CACNA2D3: variants seen among roughly 807,000 people sequenced by gnomAD.
CACNA2D3 encodes calcium voltage-gated channel auxiliary subunit alpha2delta 3, also known as voltage-dependent calcium channel subunit alpha-2/delta-3.
In CACNA2D3, 60 loss-of-function variants were observed where a neutral mutation model predicts 160.6. The ratio of observed to expected loss-of-function variants is 0.37; its 90% CI spans 0.30 to 0.46. The LOEUF (loss-of-function observed/expected upper bound fraction) is 0.46, where lower values mean the gene tolerates loss of function less well. Ranked by LOEUF, CACNA2D3 falls within the 20% of genes least tolerant of loss-of-function variation. CACNA2D3 has a pLI of 1.00. For missense variants in CACNA2D3, 1,205 were observed against 1,365.0 expected, an observed-to-expected ratio of 0.88 and a Z score of 1.85; for synonymous variants, 558 against 492.9, an observed-to-expected ratio of 1.13 and a Z score of -1.75.
At chr3:55,052,557 T>C (rs1483950549) in intron 35 of CACNA2D3, among the ~76,000 whole-genome samples, 2 of 152,126 alleles carry the variant, frequency 1.3e-5, no homozygotes, top group Non-Finnish European at 2.9e-5. Flanking sequence ...ATTCTACTTT[T>C]TCTGTTCATT....
chr3:54,492,761 C>A (rs1388711758), intron 4 of CACNA2D3, among the ~76,000 whole-genome samples: 1 of 152,200 alleles, frequency 6.6e-6, no homozygotes, highest in Non-Finnish European at 1.5e-5. Flanking sequence ...TTAAACTCAG[C>A]TCTCCCTGTA....
intron 5 of CACNA2D3, among the ~76,000 whole-genome samples, chr3:54,536,865 C>G (rs1030170354): frequency 6.6e-6 from 1 of 152,130 alleles, no homozygotes; most frequent in African/African-American, 2.4e-5. Flanking sequence ...TCTTGGGTGC[C>G]CAGCGCTGTG....
intron 12 of CACNA2D3, among the ~76,000 whole-genome samples, chr3:54,759,336 G>A (rs1361236139): frequency 6.6e-6 from 1 of 152,102 alleles, no homozygotes; most frequent in African/African-American, 2.4e-5. Context: ...AAAACAGAGA[G>A]AAAGGGGAGG....
At chr3:54,277,474 T>C (rs1159829950) in intron 2 of CACNA2D3, among the ~76,000 whole-genome samples, 1 of 152,180 alleles carries the variant, frequency 6.6e-6, no homozygotes, top group Non-Finnish European at 1.5e-5. Context: ...TCCGTTCTGT[T>C]CCATTGGTCT....
chr3:54,445,007 A>G (rs1307642148), intron 4 of CACNA2D3, among the ~76,000 whole-genome samples: 2 of 152,222 alleles, frequency 1.3e-5, no homozygotes. Context: ...TCCTGCCATG[A>G]GGGAGTCTCA....
At chr3:54,752,569 C>G (rs367787308) in intron 11 of CACNA2D3, 30 bp from the exon 12 acceptor site, 1 of 1,566,224 alleles carries the variant, frequency 6.4e-7, no homozygotes, top group African/African-American at 1.3e-5. Flanking sequence ...AAGTGAATGC[C>G]GCTCAGCCAT....
chr3:55,063,520 G>A (rs1704563796), intron 35 of CACNA2D3, among the ~76,000 whole-genome samples: 1 of 152,154 alleles, frequency 6.6e-6, no homozygotes, highest in African/African-American at 2.4e-5. Context: ...ATTCCAGTGA[G>A]CAACCAAGGT....
At chr3:54,815,325 A>G (rs960687100) in intron 13 of CACNA2D3, among the ~76,000 whole-genome samples, 6 of 152,176 alleles carry the variant, frequency 3.9e-5, no homozygotes, top group Admixed American at 3.3e-4. Context: ...TCTCAATACC[A>G]TTTTGGAGAC....
intron 14 of CACNA2D3, among the ~76,000 whole-genome samples, chr3:54,826,571 T>A (rs1005124062): frequency 6.6e-6 from 1 of 152,136 alleles, no homozygotes; most frequent in African/African-American, 2.4e-5. Flanking sequence ...ATGGGACCCA[T>A]CCATATTTGC....
chr3:54,649,952 G>A (rs1425721420), intron 11 of CACNA2D3, among the ~76,000 whole-genome samples: 1 of 152,166 alleles, frequency 6.6e-6, no homozygotes, highest in African/African-American at 2.4e-5. Context: ...CATCCTAACT[G>A]CTTCTACTGT....
chr3:54,387,878 A>T (rs554139032), intron 4 of CACNA2D3, among the ~76,000 whole-genome samples: 9 of 152,278 alleles, frequency 5.9e-5, no homozygotes, highest in South Asian at 4.2e-4. Context: ...ATTCCCATTT[A>T]TATGGGGAAT....
At chr3:54,650,917 G>A (rs748592337) in intron 11 of CACNA2D3, among the ~76,000 whole-genome samples, 3 of 152,208 alleles carry the variant, frequency 2.0e-5, no homozygotes, top group Admixed American at 6.5e-5. Context: ...TGCTCCGTGT[G>A]TATCTAATTC....
intron 2 of CACNA2D3, among the ~76,000 whole-genome samples, chr3:54,257,530 A>G (rs1389700382): frequency 6.6e-6 from 1 of 152,118 alleles, no homozygotes; most frequent in Non-Finnish European, 1.5e-5. Context: ...AATGTTGCAC[A>G]GCTGCTGTTC....
intron 17 of CACNA2D3, among the ~76,000 whole-genome samples, chr3:54,858,329 C>G (rs941713169): frequency 6.6e-6 from 1 of 151,992 alleles, no homozygotes. Context: ...TCTAATTGAT[C>G]AATTGCTTTT....
chr3:54,494,986 A>G lies in CACNA2D3; in HGVS notation c.382-8506A>G, dbSNP rs114326759. On this transcript the variant is annotated intron_variant, in intron 4 of 37. Coordinates refer to ENST00000474759, the MANE Select transcript of CACNA2D3 (RefSeq NM_018398.3). ...CCCTCCCTCGACACCTGGGAATTAT[A>G]ATTTGGATTACAATTCAAGATGAGA... Among the ~76,000 whole-genome samples, 548 of 152,300 alleles carry G rather than the reference A, an allele frequency of 3.6e-3. 7 individuals are homozygous for G. The highest frequency in any genetic ancestry group is 0.012 in the African/African-American group (517 of 41,570).
intron 13 of CACNA2D3, among the ~76,000 whole-genome samples, chr3:54,779,826 A>G (rs145808553): frequency 6.6e-6 from 1 of 152,312 alleles, no homozygotes; most frequent in Admixed American, 6.5e-5. Flanking sequence ...ATCATTTAGA[A>G]TTATCTTAAT....
intron 9 of CACNA2D3, among the ~76,000 whole-genome samples, chr3:54,620,807 C>T (rs991977225): frequency 6.6e-6 from 1 of 152,200 alleles, no homozygotes; most frequent in African/African-American, 2.4e-5. Flanking sequence ...GCTGTCTTGA[C>T]CTTTCTAGTG....
intron 27 of CACNA2D3, chr3:54,918,767 C>T (rs546776796): frequency 1.2e-6 from 2 of 1,614,020 alleles, no homozygotes; most frequent in Non-Finnish European, 1.7e-6. Flanking sequence ...GGCCACTGAG[C>T]CTGCGAGGAC....
chr3:54,432,945 G>A (rs1343966797), intron 4 of CACNA2D3, among the ~76,000 whole-genome samples: 2 of 151,550 alleles, frequency 1.3e-5, no homozygotes, highest in African/African-American at 2.4e-5. Context: ...TGCCTTTTGC[G>A]TGGGTCAAAA....
Sources: gnomAD v4.1 joint callset for allele counts (sites outside exome capture counted in the v4.1 genomes callset) on GRCh38, gnomAD v4.1.1 for gene constraint, MANE v1.5 for transcripts, NCBI Gene and HGNC (gene_info 2026-07-23, HGNC 2026-07-21) for gene names.